SCAF4: variants seen among roughly 807,000 people sequenced by gnomAD.
SCAF4 encodes the protein SR-related and CTD-associated factor 4.
A neutral mutation model predicts 129.8 loss-of-function variants in SCAF4; 25 were observed. That is an observed-to-expected ratio of 0.19 (90% confidence interval 0.14 to 0.27). The LOEUF is 0.27. SCAF4 is among the 10% of genes least tolerant of loss of function. The probability of loss-of-function intolerance (pLI) is 1.00; values close to 1 mark genes in which losing one functional copy is unlikely to be tolerated. For missense variants in SCAF4, 1,246 were observed against 1,457.1 expected, an observed-to-expected ratio of 0.86 and a Z score of 2.36; for synonymous variants, 551 against 497.7, an observed-to-expected ratio of 1.11 and a Z score of -1.43.
chr21:31,729,645 G>A (rs1371304576), intron 1 of SCAF4, among the ~76,000 whole-genome samples: 3 of 152,182 alleles, frequency 2.0e-5, no homozygotes, highest in Admixed American at 2.0e-4. Context: ...ACAGTAAGAT[G>A]AATTTTAAAC....
chr21:31,705,071 T>C (rs1351102862), intron 3 of SCAF4, among the ~76,000 whole-genome samples: 1 of 151,916 alleles, frequency 6.6e-6, no homozygotes, highest in Non-Finnish European at 1.5e-5. Flanking sequence ...AAGGGAAAAA[T>C]TGGGAAAATT....
intron 9 of SCAF4, among the ~76,000 whole-genome samples, chr21:31,695,710 G>A (rs1285331304): frequency 6.6e-6 from 1 of 152,150 alleles, no homozygotes; most frequent in Non-Finnish European, 1.5e-5. Flanking sequence ...CAACTCTCCA[G>A]TGTGCTATGT....
intron 1 of SCAF4, among the ~76,000 whole-genome samples, chr21:31,717,870 C>CACACAT (rs1555853934): frequency 5.6e-5 from 7 of 124,842 alleles, no homozygotes; most frequent in South Asian, 2.5e-4. Flanking sequence ...CACACACACA[C>CACACAT]ATATACACAT....
At chr21:31,729,228 T>G (rs2051285522) in intron 1 of SCAF4, among the ~76,000 whole-genome samples, 2 of 152,216 alleles carry the variant, frequency 1.3e-5, no homozygotes, top group African/African-American at 4.8e-5. Flanking sequence ...ATCCTTACTT[T>G]CCAGTAGCCT....
At chr21:31,715,459 AG>A (rs1248912578) in intron 1 of SCAF4, among the ~76,000 whole-genome samples, 3 of 152,272 alleles carry the variant, frequency 2.0e-5, no homozygotes, top group African/African-American at 7.2e-5. Flanking sequence ...TCTTTGGAGA[AG>A]GGGGCATTAT....
intron 1 of SCAF4, among the ~76,000 whole-genome samples, chr21:31,717,738 C>A (rs557967854): frequency 6.6e-6 from 1 of 150,458 alleles, no homozygotes; most frequent in South Asian, 2.1e-4. Flanking sequence ...CCCCTCCCCC[C>A]ACAAATCCTT....
At chr21:31,684,943 T>C (rs780534206) in intron 19 of SCAF4, 106 bp downstream of exon 19, 1 of 593,704 alleles carries the variant, frequency 1.7e-6, no homozygotes, top group East Asian at 2.9e-5. Flanking sequence ...GAAATAATTT[T>C]ACCAAAATTA....
intron 9 of SCAF4, 67 bp from the exon 10 acceptor site, chr21:31,695,047 T>C (rs1398067151): frequency 7.8e-7 from 1 of 1,281,938 alleles, no homozygotes; most frequent in Non-Finnish European, 1.1e-6. Context: ...TTTAGTTATA[T>C]AAAACTAAAA....
chr21:31,684,191 A>G (rs2050060875), intron 19 of SCAF4: 1 of 153,370 alleles, frequency 6.5e-6, no homozygotes, highest in South Asian at 2.1e-4. Context: ...GCATATGCAT[A>G]TACCTTTGAA....
chr21:31,708,497 AAC>A (rs2050722836), intron 1 of SCAF4, among the ~76,000 whole-genome samples: 1 of 152,232 alleles, frequency 6.6e-6, no homozygotes, highest in Admixed American at 6.5e-5. Context: ...TAAAAATATC[AAC>A]ACTGTATGAT....
At chr21:31,679,278 G>C (rs555992355) in intron 19 of SCAF4, among the ~76,000 whole-genome samples, 27 of 152,198 alleles carry the variant, frequency 1.8e-4, no homozygotes, top group Non-Finnish European at 3.1e-4. Flanking sequence ...TGAAGAAAAA[G>C]ATGTATCAAC....
intron 2 of SCAF4, among the ~76,000 whole-genome samples, 167 bp from the exon 3 acceptor site, chr21:31,705,634 A>C (rs552479859): frequency 4.6e-5 from 7 of 152,196 alleles, no homozygotes; most frequent in Admixed American, 1.3e-4. Context: ...ACTCAGAGAA[A>C]AATAAACTAA....
At chr21:31,727,268 C>G (rs1352659426) in intron 1 of SCAF4, among the ~76,000 whole-genome samples, 1 of 151,996 alleles carries the variant, frequency 6.6e-6, no homozygotes, top group Non-Finnish European at 1.5e-5. Context: ...TTAGTAGAGA[C>G]AGGGTTTCAC....
In SCAF4 at chr21:31,701,851, T is replaced by C. The variant is rs1338721321; in HGVS notation, c.525A>G (p.Pro175=). 1 of 1,613,976 alleles carries C rather than the reference T, an allele frequency of 6.2e-7. No homozygotes were observed. Among genetic ancestry groups the C allele is most frequent in the African/African-American group, 1.3e-5 (1 of 74,900 alleles). The change falls in exon 6 of 20, where the codon CCA becomes CCG. Residue 175 remains proline, a synonymous_variant. Transcript: ENST00000286835. ...CAGAGCTGGGCAACTGTGGTACAGCTGGGACGGAGTTTGGAGTGGCTTGTG... is the reference window on the plus strand; with the variant it reads ...CAGAGCTGGGCAACTGTGGTACAGCCGGGACGGAGTTTGGAGTGGCTTGTG... ...PPTQATPNSV[P]AVPQLPSSDA... is the part of the protein sequence containing the mutation.
intron 19 of SCAF4, among the ~76,000 whole-genome samples, chr21:31,681,767 C>G (rs531989956): frequency 2.2e-4 from 33 of 152,276 alleles, no homozygotes; most frequent in Admixed American, 2.6e-4. Context: ...AGTAGTACAA[C>G]TCAACTAATT....
At chr21:31,712,440 A>T (rs1341330541) in intron 1 of SCAF4, among the ~76,000 whole-genome samples, 1 of 151,438 alleles carries the variant, frequency 6.6e-6, no homozygotes, top group African/African-American at 2.4e-5. Context: ...ATGGTCTTTA[A>T]ATCCTGGCCT....
chr21:31,695,669 C>T (rs1053007011), intron 9 of SCAF4, among the ~76,000 whole-genome samples: 1 of 152,158 alleles, frequency 6.6e-6, no homozygotes, highest in African/African-American at 2.4e-5. Flanking sequence ...AGAGAATTTA[C>T]TGGAACAAAT....
At chr21:31,726,585 A>G (rs558536337) in intron 1 of SCAF4, among the ~76,000 whole-genome samples, 1 of 152,296 alleles carries the variant, frequency 6.6e-6, no homozygotes, top group Non-Finnish European at 1.5e-5. Flanking sequence ...GGATGGCTTG[A>G]GCCCAGGAGG....
intron 1 of SCAF4, among the ~76,000 whole-genome samples, chr21:31,716,129 A>T (rs2050915771): frequency 6.6e-6 from 1 of 152,140 alleles, no homozygotes; most frequent in African/African-American, 2.4e-5. Flanking sequence ...ATCTTTTTAA[A>T]ACTTAAATCT....
Sources: gnomAD v4.1 joint callset for allele counts (sites outside exome capture counted in the v4.1 genomes callset) on GRCh38, gnomAD v4.1.1 for gene constraint, MANE v1.5 for transcripts, NCBI Gene and HGNC (gene_info 2026-07-23, HGNC 2026-07-21) for gene names.